Variants in EXT2 observed in about 807,000 individuals in gnomAD.
EXT2 encodes the protein exostosin-2.
A neutral mutation model predicts 81.6 loss-of-function variants in EXT2; 53 were observed. The ratio of observed to expected loss-of-function variants is 0.65; its 90% CI spans 0.52 to 0.82. EXT2 has a LOEUF of 0.82. EXT2 is among the 40% of genes least tolerant of loss of function. The pLI is 0.00. For missense variants in EXT2, 774 were observed against 910.2 expected (o/e 0.85, Z 1.93); for synonymous variants, 320 against 340.0 (o/e 0.94, Z 0.65).
chr11:44,201,428 C>G (rs1290720302), intron 9 of EXT2, among the ~76,000 whole-genome samples: 1 of 152,188 alleles, frequency 6.6e-6, no homozygotes, highest in Non-Finnish European at 1.5e-5. Context: ...CTTATTATCT[C>G]TAGACCTTAG....
chr11:44,171,533 G>T, intron 7 of EXT2, 78 bp from the exon 8 acceptor site: 3 of 1,606,956 alleles, frequency 1.9e-6, no homozygotes, highest in Non-Finnish European at 2.6e-6. Context: ...GCCTAACCTG[G>T]AGTTGACTAT....
In EXT2 at chr11:44,109,227, C is replaced by T. The variant is rs1382613166; in HGVS notation, c.570C>T (p.Asn190=). ...GAGGTACGAATCACCTGTTGTTCAA[C>T]ATGTTGCCTGGAGGTCCCCCAGATT... ...WDRGTNHLLF[N]MLPGGPPDYN... is the part of the protein sequence containing the mutation. The change falls in exon 3 of 14, where the codon AAC becomes AAT. Residue 190 remains asparagine (N), a synonymous_variant. Coordinates refer to ENST00000533608, the MANE Select transcript of EXT2 (RefSeq NM_207122.2). 1.2e-6 allele frequency: 2 copies of T among 1,613,964 alleles called. No homozygotes were observed. Among genetic ancestry groups the T allele is most frequent in the African/African-American group, 1.3e-5 (1 of 74,896 alleles).
chr11:44,151,140 C>T (rs1182246191), intron 7 of EXT2, among the ~76,000 whole-genome samples: 1 of 152,116 alleles, frequency 6.6e-6, no homozygotes, highest in Non-Finnish European at 1.5e-5. Flanking sequence ...AAAGAGTTCC[C>T]ATATATCCCC....
At chr11:44,125,115 T>A in intron 5 of EXT2, 131 bp downstream of exon 5, 1 of 839,164 alleles carries the variant, frequency 1.2e-6, no homozygotes, top group Non-Finnish European at 2.0e-6. Flanking sequence ...AACATAGCAT[T>A]GCTCTTTACT....
chr11:44,115,980 C>T (rs1471783126), intron 4 of EXT2: 2 of 152,130 alleles, frequency 1.3e-5, no homozygotes, highest in Non-Finnish European at 2.9e-5. Context: ...TTTGTGGACT[C>T]CCAGAGTTGA....
Position 44,244,369 on chromosome 11 carries a change from A to G in EXT2, c.*82A>G. 10 of 1,488,532 alleles carry G rather than the reference A, an allele frequency of 6.7e-6. No individual in the cohort carries two copies. Among genetic ancestry groups the G allele is most frequent in the Non-Finnish European group, 8.4e-6 (9 of 1,067,466 alleles). 92.2% of individuals were successfully genotyped at this position (1,488,532 alleles called of 1,614,324 possible). On this transcript the variant is annotated 3_prime_UTR_variant, in exon 14 of 14. Transcript: ENST00000533608. Reference sequence around the variant, plus strand: ...CCTCCCAGCACTCTGATGTCAGAGTAGTAGGTTAAGGGTGGAAGGTTGACC... The same window carrying G: ...CCTCCCAGCACTCTGATGTCAGAGTGGTAGGTTAAGGGTGGAAGGTTGACC...
chr11:44,114,506 A>G (rs1160548564), intron 4 of EXT2, among the ~76,000 whole-genome samples: 17 of 152,168 alleles, frequency 1.1e-4, no homozygotes, highest in Admixed American at 1.1e-3. Context: ...AGTGCTGTCT[A>G]CCAAGTTTTC....
chr11:44,251,513 C>G lies in EXT2; in HGVS notation c.*7226C>G, dbSNP rs1334976897. 6.6e-6 allele frequency among the ~76,000 whole-genome samples: 1 copy of G among 152,082 alleles called. No homozygotes were observed. The highest frequency in any genetic ancestry group is 2.4e-5 in the African/African-American group (1 of 41,404). On this transcript the variant is annotated 3_prime_UTR_variant, in exon 14 of 14. Transcript: ENST00000533608. ...TCCCATGAGACCATTATGAGCAGGA[C>G]ACGACATTGTTTCACACCTTGGGCT...
chr11:44,130,995 G>A (rs928023387), intron 7 of EXT2, among the ~76,000 whole-genome samples: 2 of 152,320 alleles, frequency 1.3e-5, no homozygotes, highest in South Asian at 4.1e-4. Context: ...TGGGGACAGC[G>A]CATCTGCCTG....
At chr11:44,126,330 G>C (rs777460330) in intron 5 of EXT2, among the ~76,000 whole-genome samples, 33 of 152,126 alleles carry the variant, frequency 2.2e-4, no homozygotes, top group Non-Finnish European at 4.4e-4. Flanking sequence ...TAGATGCTAT[G>C]GGGGGTAGAA....
At chr11:44,234,292 A>G (rs1158569910) in intron 12 of EXT2, 49 bp downstream of exon 12, 1 of 1,563,628 alleles carries the variant, frequency 6.4e-7, no homozygotes, top group Admixed American at 1.7e-5. Flanking sequence ...GCAAATATCT[A>G]TTATCTGAGC....
chr11:44,108,056 T>C lies in EXT2; in HGVS notation c.344T>C (p.Val115Ala). 1 of 1,614,182 alleles carries C rather than the reference T, an allele frequency of 6.2e-7. No homozygotes were observed. The highest frequency in any genetic ancestry group is 8.5e-7 in the Non-Finnish European group (1 of 1,180,034). Residue 115 changes from valine (V) to alanine (A), a missense_variant, in exon 2 of 14, where the codon GTG (valine) becomes GCG (alanine). Val to Ala is a moderately conservative substitution (Grantham distance 64). Coordinates refer to ENST00000533608, the MANE Select transcript of EXT2 (RefSeq NM_207122.2). ...KVYIYALKKYVDDFGVSVSNT... is the reference protein window; with the variant it reads ...KVYIYALKKYADDFGVSVSNT... ...TATATCTATGCTCTGAAAAAGTACG[T>C]GGATGACTTTGGCGTCTCTGTCAGC... is the stretch of plus-strand genomic sequence containing the variant.
chr11:44,203,564 G>A (rs1477782899), intron 9 of EXT2, among the ~76,000 whole-genome samples: 1 of 152,176 alleles, frequency 6.6e-6, no homozygotes, highest in Admixed American at 6.5e-5. Context: ...AGGGAGAATT[G>A]TGGCTGAGTT....
chr11:44,214,358 C>T (rs1054214826), intron 10 of EXT2, among the ~76,000 whole-genome samples: 6 of 152,156 alleles, frequency 3.9e-5, no homozygotes, highest in Non-Finnish European at 5.9e-5. Flanking sequence ...TCGTGATCCG[C>T]CCGCCTCAGC....
chr11:44,096,998 G>C (rs551691677), intron 1 of EXT2, among the ~76,000 whole-genome samples: 1 of 152,172 alleles, frequency 6.6e-6, no homozygotes, highest in Non-Finnish European at 1.5e-5. Flanking sequence ...TTGCATGTGA[G>C]GGTATGAATG....
In EXT2 at chr11:44,244,325, A is replaced by T. The variant is rs770781132; in HGVS notation, c.*38A>T. ...GTGGAGGTCTGAATGTGAGGCTGGG[A>T]CAGAGGGAGAGAACAAGGCCTCCCA... On this transcript the variant is annotated 3_prime_UTR_variant, in exon 14 of 14. Transcript: ENST00000533608. 1.1e-5 allele frequency: 17 copies of T among 1,612,628 alleles called. No homozygotes were observed. The African/African-American group carries it at 2.0e-4, about 19-fold the overall frequency.
At position 44,204,551 on chromosome 11, in the gene EXT2, G is replaced by C. The variant is rs144924078; in HGVS notation, c.1496-2242G>C. 5.9e-3 allele frequency among the ~76,000 whole-genome samples: 896 copies of C among 152,272 alleles called. 12 individuals carry two copies. Among genetic ancestry groups the C allele is most frequent in the South Asian group, 0.047 (229 of 4,822 alleles). ...TTACAGGGCGGGGTCCCCAACCCTG[G>C]GCCATGAACCCGTAGCCATCTGTGG... is the stretch of plus-strand genomic sequence containing the variant. On this transcript the variant is annotated intron_variant, in intron 9 of 13. Coordinates refer to ENST00000533608, the MANE Select transcript of EXT2 (RefSeq NM_207122.2).
At chr11:44,164,675 A>G (rs1338926174) in intron 7 of EXT2, among the ~76,000 whole-genome samples, 2 of 152,218 alleles carry the variant, frequency 1.3e-5, no homozygotes, top group Middle Eastern at 3.2e-3. Context: ...TAGGAATTAT[A>G]TAGTTCTTAT....
At chr11:44,147,324 T>C (rs1298873539) in intron 7 of EXT2, among the ~76,000 whole-genome samples, 2 of 152,230 alleles carry the variant, frequency 1.3e-5, no homozygotes, top group East Asian at 3.8e-4. Context: ...TTTCAGAGCA[T>C]TGGATTCTCC....
Sources: gnomAD v4.1 joint callset for allele counts (sites outside exome capture counted in the v4.1 genomes callset) on GRCh38, gnomAD v4.1.1 for gene constraint, MANE v1.5 for transcripts, NCBI Gene and HGNC (gene_info 2026-07-23, HGNC 2026-07-21) for gene names.